EPC2: variants seen among roughly 807,000 people sequenced by gnomAD.
EPC2 encodes the protein enhancer of polycomb 2, also known as enhancer of polycomb homolog 2.
A neutral mutation model predicts 92.1 loss-of-function variants in EPC2; 14 were observed. That is an observed-to-expected ratio of 0.15 (90% CI 0.10 to 0.24). The LOEUF (loss-of-function observed/expected upper bound fraction) is 0.24. EPC2 is among the 10% of genes least tolerant of loss of function. The pLI is 1.00. For missense variants in EPC2, 755 were observed against 971.5 expected, an observed-to-expected ratio of 0.78 and a Z score of 2.96; for synonymous variants, 340 against 334.7, an observed-to-expected ratio of 1.02 and a Z score of -0.17.
chr2:148,740,529 A>G (rs571923410), intron 2 of EPC2, among the ~76,000 whole-genome samples: 4 of 152,222 alleles, frequency 2.6e-5, no homozygotes, highest in South Asian at 4.1e-4. Flanking sequence ...AATTCTCACT[A>G]TTAATTTTTC....
At chr2:148,733,674 A>G (rs1292461351) in intron 2 of EPC2, among the ~76,000 whole-genome samples, 2 of 150,868 alleles carry the variant, frequency 1.3e-5, no homozygotes, top group Admixed American at 1.3e-4. Flanking sequence ...GTTTTTTTGT[A>G]GTGATGGAGT....
chr2:148,691,199 C>T (rs898698619), intron 2 of EPC2, among the ~76,000 whole-genome samples: 10 of 152,158 alleles, frequency 6.6e-5, no homozygotes, highest in African/African-American at 2.4e-4. Context: ...TCTCCTGTCC[C>T]TATACTCTTC....
intron 2 of EPC2, among the ~76,000 whole-genome samples, chr2:148,704,992 A>C (rs2105379807): frequency 6.6e-6 from 1 of 151,878 alleles, no homozygotes; most frequent in East Asian, 1.9e-4. Flanking sequence ...TGTATCTGTC[A>C]GCAAACCATC....
At chr2:148,779,664 TAGAA>T (rs772037460) in intron 10 of EPC2, among the ~76,000 whole-genome samples, 4 of 152,230 alleles carry the variant, frequency 2.6e-5, no homozygotes, top group Admixed American at 1.3e-4. Context: ...TAAAAGATTT[TAGAA>T]AGAAGAAAAA....
At chr2:148,671,606 C>G (rs760574075) in intron 1 of EPC2, among the ~76,000 whole-genome samples, 3 of 151,528 alleles carry the variant, frequency 2.0e-5, no homozygotes, top group Non-Finnish European at 3.0e-5. Flanking sequence ...AGAGCAAGAC[C>G]CCATCCCCCC....
intron 1 of EPC2, among the ~76,000 whole-genome samples, chr2:148,684,049 C>A (rs951364906): frequency 2.0e-5 from 3 of 152,200 alleles, no homozygotes; most frequent in Non-Finnish European, 4.4e-5. Context: ...TAAATTATGG[C>A]CATTCTTGCA....
intron 1 of EPC2, among the ~76,000 whole-genome samples, chr2:148,668,873 G>A (rs1681102739): frequency 6.6e-6 from 1 of 151,816 alleles, no homozygotes; most frequent in Non-Finnish European, 1.5e-5. Flanking sequence ...TGGATTTTCT[G>A]TTTTATATTT....
chr2:148,773,465 T>G lies in EPC2; in HGVS notation c.1720+2078T>G, dbSNP rs559412421. On this transcript the variant is annotated intron_variant, in intron 10 of 13. Coordinates refer to ENST00000258484, the MANE Select transcript of EPC2 (RefSeq NM_015630.4). ...CCATTTCTTTCTTCCCTTAAAAAAT[T>G]TTAAGGCTTAAGCAACAAGTAAGGT... 1.1e-4 allele frequency among the ~76,000 whole-genome samples: 17 copies of G among 152,242 alleles called. No individual in the cohort carries two copies. In the South Asian group the frequency reaches 3.5e-3, roughly 32 times the overall value.
intron 3 of EPC2, among the ~76,000 whole-genome samples, chr2:148,744,037 T>C (rs1429149584): frequency 6.6e-6 from 1 of 152,150 alleles, no homozygotes; most frequent in Non-Finnish European, 1.5e-5. Flanking sequence ...TCCATATGAC[T>C]AGTATTGGTG....
At chr2:148,659,175 C>T (rs1436539941) in intron 1 of EPC2, among the ~76,000 whole-genome samples, 1 of 152,060 alleles carries the variant, frequency 6.6e-6, no homozygotes, top group Non-Finnish European at 1.5e-5. Flanking sequence ...GTCAGGGTTT[C>T]TTAACTGAGG....
rs758027853 is a variant in EPC2, at chr2:148,769,277, C to G, written c.1230+37C>G. ...TGTGTGTGTGTGGTGTTTTTGTGAA[C>G]TGGAATTAACAGGTAACCCATGTCA... is the stretch of plus-strand genomic sequence containing the variant. On this transcript the variant is annotated intron_variant, in intron 8 of 13. Coordinates refer to ENST00000258484, the MANE Select transcript of EPC2 (RefSeq NM_015630.4). 6.3e-6 allele frequency: 9 copies of G among 1,431,398 alleles called. No homozygotes were observed. In the Admixed American group the frequency reaches 1.5e-4, roughly 24 times the overall value. The allele number at this position is 1,431,398 out of a possible 1,614,324, so 88.7% of individuals were successfully genotyped here. A position where few individuals can be genotyped will look rare whatever the true frequency, so the allele number is the denominator to read the frequency against.
chr2:148,780,124 G>T (rs931646416), intron 10 of EPC2, among the ~76,000 whole-genome samples: 1 of 152,156 alleles, frequency 6.6e-6, no homozygotes, highest in African/African-American at 2.4e-5. Flanking sequence ...AAAGACATTT[G>T]ATTTTGTTGG....
chr2:148,784,474 G>A (rs928065687), intron 12 of EPC2, among the ~76,000 whole-genome samples, 194 bp from the exon 13 acceptor site: 6 of 152,214 alleles, frequency 3.9e-5, no homozygotes, highest in Non-Finnish European at 8.8e-5. Context: ...AGTAGAAAGA[G>A]GGTGTTTTGG....
chr2:148,784,525 G>T, intron 12 of EPC2, 143 bp from the exon 13 acceptor site: 2 of 628,324 alleles, frequency 3.2e-6, no homozygotes, highest in Non-Finnish European at 5.4e-6. Context: ...GTGATCAGAA[G>T]CTCCCTTTGG....
chr2:148,784,591 A>G (rs1683825366), intron 12 of EPC2, 77 bp from the exon 13 acceptor site: 1 of 1,113,248 alleles, frequency 9.0e-7, no homozygotes, highest in South Asian at 1.5e-5. Context: ...AAATGTTCGT[A>G]TTTATTTTAT....
chr2:148,773,267 T>C (rs867418963), intron 10 of EPC2, among the ~76,000 whole-genome samples: 2 of 152,026 alleles, frequency 1.3e-5, no homozygotes, highest in African/African-American at 2.4e-5. Flanking sequence ...TAAACTGTTA[T>C]CTTAGGCGTG....
chr2:148,733,278 C>T (rs1682682207), intron 2 of EPC2, among the ~76,000 whole-genome samples: 1 of 151,722 alleles, frequency 6.6e-6, no homozygotes, highest in East Asian at 1.9e-4. Context: ...CTTTGCTGAT[C>T]ATTCACATTC....
intron 2 of EPC2, among the ~76,000 whole-genome samples, chr2:148,715,112 C>T (rs1353528278): frequency 1.4e-5 from 2 of 141,436 alleles, no homozygotes; most frequent in East Asian, 4.3e-4. Flanking sequence ...CAGCTCACTG[C>T]AAGCTCCGCC....
Position 148,645,085 on chromosome 2 carries a change from A to G in EPC2, c.68A>G (p.Lys23Arg). 1 of 1,593,908 alleles carries G rather than the reference A, an allele frequency of 6.3e-7. No homozygotes were observed. Residue 23 changes from lysine to arginine, a missense_variant, in exon 1 of 14, where the codon AAG (lysine) becomes AGG (arginine). Physicochemically the swap from Lys to Arg is conservative, Grantham distance 26. Transcript: ENST00000258484. ...AAKPLPIYRG[K>R]DMPDLNDCVS... is the part of the protein sequence containing the mutation. ...AAGCCGCTGCCTATCTACCGCGGCAAGGACATGCCTGATCTCAACGACTGC... is the reference window on the plus strand; with the variant it reads ...AAGCCGCTGCCTATCTACCGCGGCAGGGACATGCCTGATCTCAACGACTGC...
Sources: gnomAD v4.1 joint callset for allele counts (sites outside exome capture counted in the v4.1 genomes callset) on GRCh38, gnomAD v4.1.1 for gene constraint, MANE v1.5 for transcripts, NCBI Gene and HGNC (gene_info 2026-07-23, HGNC 2026-07-21) for gene names.